MAP4K3: variants seen among roughly 807,000 people sequenced by gnomAD.
MAP4K3 encodes the protein mitogen-activated protein kinase kinase kinase kinase 3.
In MAP4K3, 94 loss-of-function variants were observed where a neutral mutation model predicts 143.5. The observed-to-expected ratio is 0.65, with a 90% confidence interval of 0.55 to 0.78. MAP4K3 has a LOEUF of 0.78. Ranked by LOEUF, MAP4K3 falls within the 30% of genes least tolerant of loss-of-function variation. The pLI, the probability that MAP4K3 is intolerant of heterozygous loss-of-function variation, is 0.00. For missense variants in MAP4K3, 1,077 were observed against 1,068.1 expected (o/e 1.01, Z -0.12); for synonymous variants, 416 against 347.2 (o/e 1.20, Z -2.20).
At chr2:39,324,846 T>C (rs962390430) in intron 12 of MAP4K3, among the ~76,000 whole-genome samples, 1 of 152,240 alleles carries the variant, frequency 6.6e-6, no homozygotes, top group Non-Finnish European at 1.5e-5. Flanking sequence ...GCTTCTGTCA[T>C]ATTAGAATTA....
intron 1 of MAP4K3, among the ~76,000 whole-genome samples, chr2:39,390,395 A>C (rs1572480166): frequency 1.3e-5 from 2 of 152,064 alleles, no homozygotes; most frequent in East Asian, 3.9e-4. Context: ...TCTGCTTTAA[A>C]TCACAGAGTC....
intron 1 of MAP4K3, among the ~76,000 whole-genome samples, chr2:39,403,821 CCT>C (rs1482469431): frequency 6.6e-6 from 1 of 150,638 alleles, no homozygotes; most frequent in African/African-American, 2.4e-5. Context: ...AAAAAAGATC[CCT>C]GTCTTCTGCT....
rs70954799 is a variant in MAP4K3, at chr2:39,268,634, A to ATTTTTTTTTTTTTTTTTTT, written c.1974-1406_1974-1388dup. On this transcript the variant is annotated intron_variant, in intron 26 of 33. Coordinates refer to ENST00000263881, the MANE Select transcript of MAP4K3 (RefSeq NM_003618.4). ...CTGTGCCCGGCTAAAGATTTTTTCTATTTTTTTTTTTTTTTTTTTTTTTGA... is the reference window on the plus strand; with the variant it reads ...CTGTGCCCGGCTAAAGATTTTTTCTATTTTTTTTTTTTTTTTTTTTTTTTTTTTTTTTTTTTTTTTTTGA... 4.1e-5 allele frequency among the ~76,000 whole-genome samples: 3 copies of ATTTTTTTTTTTTTTTTTTT among 73,772 alleles called. 1 individual carries two copies. Among genetic ancestry groups the ATTTTTTTTTTTTTTTTTTT allele is most frequent in the Non-Finnish European group, 7.1e-5 (3 of 42,154 alleles). The allele number at this position is 73,772 out of a possible 152,430, so 48.4% of individuals were successfully genotyped here.
At chr2:39,400,714 T>C (rs1666932226) in intron 1 of MAP4K3, among the ~76,000 whole-genome samples, 1 of 152,042 alleles carries the variant, frequency 6.6e-6, no homozygotes. Flanking sequence ...ATAGCTTTAA[T>C]TGTTTTTCAT....
intron 1 of MAP4K3, among the ~76,000 whole-genome samples, chr2:39,392,264 G>A (rs1666685719): frequency 1.3e-5 from 2 of 150,998 alleles, no homozygotes; most frequent in South Asian, 4.2e-4. Context: ...CCGTATCCCT[G>A]GGGAATGAAG....
chr2:39,278,491 A>G lies in MAP4K3; in HGVS notation c.1715-5T>C. 1 of 1,508,688 alleles carries G rather than the reference A, an allele frequency of 6.6e-7. No homozygotes were observed. Among genetic ancestry groups the G allele is most frequent in the South Asian group, 1.3e-5 (1 of 79,886 alleles). 93.5% of individuals were successfully genotyped at this position (1,508,688 alleles called of 1,614,324 possible). On this transcript the variant is annotated splice_region_variant and splice_polypyrimidine_tract_variant and intron_variant, in intron 23 of 33. Transcript: ENST00000263881. The stretch of plus-strand genomic sequence containing the variant: ...CACCAAATATCAAGTACTGATCTGA[A>G]ATAAAAGTAATTCACTGACTGATTT...
intron 1 of MAP4K3, among the ~76,000 whole-genome samples, chr2:39,432,426 C>G (rs1048095004): frequency 6.6e-6 from 1 of 152,128 alleles, no homozygotes; most frequent in African/African-American, 2.4e-5. Flanking sequence ...GAAATTCTAC[C>G]TTATTCAACT....
chr2:39,402,602 A>C (rs1455423214), intron 1 of MAP4K3, among the ~76,000 whole-genome samples: 1 of 152,162 alleles, frequency 6.6e-6, no homozygotes, highest in Non-Finnish European at 1.5e-5. Flanking sequence ...AGTAAAGCAA[A>C]TGGCCAATGA....
chr2:39,403,186 C>G (rs757723715), intron 1 of MAP4K3, among the ~76,000 whole-genome samples: 1 of 152,080 alleles, frequency 6.6e-6, no homozygotes, highest in Non-Finnish European at 1.5e-5. Context: ...AGGGGCAGAG[C>G]AAGAGGGCCG....
chr2:39,265,261 T>G lies in MAP4K3; in HGVS notation c.2078A>C (p.Gln693Pro). Reference protein sequence around the residue: ...TGHKYLCGALQTSIVLLEWVE... With the variant: ...TGHKYLCGALPTSIVLLEWVE... ...CCATTCTAATAGAACAATGCTAGTC[T>G]GAAGTGCTCCACATAGGTATTTATG... is the stretch of plus-strand genomic sequence containing the variant. The change falls in exon 28 of 34, where the codon CAG becomes CCG. Residue 693 changes from glutamine to proline, a missense_variant. By Grantham distance (76) the Gln-to-Pro change is moderately conservative. Coordinates refer to ENST00000263881, the MANE Select transcript of MAP4K3 (RefSeq NM_003618.4). The G allele has an allele frequency of 6.2e-7, 1 of 1,613,654 alleles. No individual in the cohort carries two copies.
chr2:39,356,482 A>C, intron 2 of MAP4K3, 143 bp from the exon 3 acceptor site: 1 of 578,910 alleles, frequency 1.7e-6, no homozygotes, highest in South Asian at 2.3e-5. Context: ...CAATAAGTTA[A>C]TGGTATTACT....
At chr2:39,425,967 G>A (rs1665058614) in intron 1 of MAP4K3, among the ~76,000 whole-genome samples, 2 of 152,106 alleles carry the variant, frequency 1.3e-5, no homozygotes, top group Non-Finnish European at 2.9e-5. Flanking sequence ...AAATTAGTGG[G>A]TACAGGTTTG....
At chr2:39,338,948 T>C in intron 4 of MAP4K3, among the ~76,000 whole-genome samples, 1 of 152,188 alleles carries the variant, frequency 6.6e-6, no homozygotes, top group Admixed American at 6.5e-5. Context: ...TGTTTATAAA[T>C]TACTCAGTCT....
At chr2:39,387,708 A>G (rs1666545868) in intron 1 of MAP4K3, among the ~76,000 whole-genome samples, 1 of 152,240 alleles carries the variant, frequency 6.6e-6, no homozygotes, top group Non-Finnish European at 1.5e-5. Flanking sequence ...AGAAAAAATT[A>G]CAAGACCATA....
At chr2:39,255,127 T>C (rs1173535787) in intron 31 of MAP4K3, among the ~76,000 whole-genome samples, 1 of 152,208 alleles carries the variant, frequency 6.6e-6, no homozygotes, top group African/African-American at 2.4e-5. Context: ...ACTATTACTA[T>C]AAGTTTATAC....
chr2:39,282,735 C>T (rs558751918), intron 21 of MAP4K3, among the ~76,000 whole-genome samples, 181 bp from the exon 22 acceptor site: 1 of 152,212 alleles, frequency 6.6e-6, no homozygotes, highest in South Asian at 2.1e-4. Flanking sequence ...TAGTACTTGC[C>T]CCAGAAAAAC....
intron 1 of MAP4K3, among the ~76,000 whole-genome samples, chr2:39,395,817 TA>T (rs199799028): frequency 6.6e-6 from 1 of 152,164 alleles, no homozygotes; most frequent in East Asian, 1.9e-4. Context: ...TCTGTTTAGT[TA>T]AAAGGAGGGG....
chr2:39,321,068 T>C (rs1439900764), intron 12 of MAP4K3, among the ~76,000 whole-genome samples: 1 of 152,240 alleles, frequency 6.6e-6, no homozygotes, highest in African/African-American at 2.4e-5. Flanking sequence ...AAATTTTACA[T>C]GTGCAACCTG....
intron 2 of MAP4K3, among the ~76,000 whole-genome samples, chr2:39,366,369 T>C (rs1422014887): frequency 6.6e-5 from 10 of 152,132 alleles, no homozygotes; most frequent in African/African-American, 2.2e-4. Context: ...TAGAAAGGAA[T>C]GTCTGGGTTC....
Sources: allele counts gnomAD v4.1 joint callset (sites outside exome capture counted in the v4.1 genomes callset), GRCh38; gene constraint gnomAD v4.1.1; transcripts MANE v1.5; gene names NCBI Gene and HGNC (gene_info 2026-07-23, HGNC 2026-07-21).